Variants in ERN1 observed in about 807,000 individuals in gnomAD.
ERN1 encodes the protein endoplasmic reticulum to nucleus signaling 1.
ERN1 carries 39 observed loss-of-function variants against 113.1 expected under a neutral mutation model. The ratio of observed to expected loss-of-function variants is 0.34; its 90% confidence interval spans 0.27 to 0.45. The LOEUF (loss-of-function observed/expected upper bound fraction) is 0.45, where lower values mean the gene tolerates loss of function less well. Among genes scored for constraint, ERN1 ranks in the 20% least tolerant of loss-of-function variants. ERN1 has a pLI of 1.00. For synonymous variants in ERN1, 507 were observed against 515.9 expected (o/e 0.98, Z 0.23); for missense variants, 976 against 1,274.8 (o/e 0.77, Z 3.57).
At chr17:64,081,340 C>T (rs1378288815) in intron 2 of ERN1, among the ~76,000 whole-genome samples, 6 of 152,054 alleles carry the variant, frequency 3.9e-5, no homozygotes, top group Non-Finnish European at 8.8e-5. Flanking sequence ...TTCCCTTTGG[C>T]CCCCCCATTG....
chr17:64,055,385 G>A lies in ERN1; in HGVS notation c.1672+290C>T, dbSNP rs553104516. Reference sequence around the variant, plus strand: ...CCACACTTGGCCACCGGCTGGCCCTGGGAACTCTCTTCAGCCCAATGGGCA... The same window carrying A: ...CCACACTTGGCCACCGGCTGGCCCTAGGAACTCTCTTCAGCCCAATGGGCA... On this transcript the variant is annotated intron_variant, in intron 13 of 21. Coordinates refer to ENST00000433197, the MANE Select transcript of ERN1 (RefSeq NM_001433.5). Among the ~76,000 whole-genome samples the A allele has an allele frequency of 5.3e-5, 8 of 152,338 alleles. No homozygotes were observed. In the South Asian group the frequency reaches 8.3e-4, roughly 16 times the overall value.
intron 2 of ERN1, among the ~76,000 whole-genome samples, chr17:64,094,799 C>T (rs1003533125): frequency 6.6e-6 from 1 of 152,094 alleles, no homozygotes; most frequent in African/African-American, 2.4e-5. Flanking sequence ...CATGTCCCCA[C>T]TTCATTTTTT....
chr17:64,096,860 A>G (rs1451566559), intron 2 of ERN1, among the ~76,000 whole-genome samples: 1 of 152,256 alleles, frequency 6.6e-6, no homozygotes, highest in Non-Finnish European at 1.5e-5. Context: ...GCAAAGCAGA[A>G]TGAAGTGGCT....
At chr17:64,061,106 G>C (rs1479048371) in intron 10 of ERN1, among the ~76,000 whole-genome samples, 1 of 152,200 alleles carries the variant, frequency 6.6e-6, no homozygotes, top group East Asian at 1.9e-4. Context: ...GGACACACCT[G>C]CTAGATGGAT....
chr17:64,069,596 G>A (rs980481055), intron 6 of ERN1, among the ~76,000 whole-genome samples: 2 of 152,186 alleles, frequency 1.3e-5, no homozygotes, highest in African/African-American at 4.8e-5. Flanking sequence ...GAAAACATGT[G>A]CCTGGCTGGA....
chr17:64,055,772 G>A lies in ERN1; in HGVS notation c.1575C>T (p.Ser525=), dbSNP rs1243491391. 2.5e-6 allele frequency: 4 copies of A among 1,606,300 alleles called. No homozygotes were observed. Among genetic ancestry groups the A allele is most frequent in the Non-Finnish European group, 3.4e-6 (4 of 1,176,950 alleles). The change falls in exon 13 of 22, where the codon AGC becomes AGT. Residue 525 remains serine, a synonymous_variant. Coordinates refer to ENST00000433197, the MANE Select transcript of ERN1 (RefSeq NM_001433.5). ...TGGAGGCCCTGGGGGACGTGCTGGGGCTGCTGGTGCCCGAGCTCTCTGAGT... is the reference window on the plus strand; with the variant it reads ...TGGAGGCCCTGGGGGACGTGCTGGGACTGCTGGTGCCCGAGCTCTCTGAGT... ...GPYSESSGTS[S]PSTSPRASNH... is the part of the protein sequence containing the mutation.
chr17:64,095,925 C>T (rs1261470287), intron 2 of ERN1, among the ~76,000 whole-genome samples: 1 of 152,196 alleles, frequency 6.6e-6, no homozygotes, highest in Non-Finnish European at 1.5e-5. Context: ...AGCCTCCTGC[C>T]CTCCAAATGG....
intron 1 of ERN1, among the ~76,000 whole-genome samples, chr17:64,128,257 C>A (rs917995796): frequency 6.6e-6 from 1 of 151,394 alleles, no homozygotes; most frequent in African/African-American, 2.4e-5. Context: ...GTGATCCACC[C>A]ACCTCAGCCT....
intron 2 of ERN1, among the ~76,000 whole-genome samples, chr17:64,090,413 A>G (rs1002954901): frequency 6.6e-6 from 1 of 152,216 alleles, no homozygotes; most frequent in African/African-American, 2.4e-5. Context: ...AGGCCAAAAA[A>G]CACACTGAAC....
Position 64,075,083 on chromosome 17 carries a change from G to A in ERN1, c.355+92C>T, listed in dbSNP as rs992270913. 20 of 1,053,050 alleles carry A rather than the reference G, an allele frequency of 1.9e-5. No homozygotes were observed. In the Middle Eastern group the frequency reaches 1.0e-3, roughly 53 times the overall value. The allele number at this position is 1,053,050 out of a possible 1,614,324, so 65.2% of individuals were successfully genotyped here. On this transcript the variant is annotated intron_variant, in intron 5 of 21. Transcript: ENST00000433197. ...CCAGGAAAGAAAGGGTTGGCAAGGC[G>A]GTGACTGCGCCCTCTCTCTCCGCAT...
chr17:64,055,775 G>T lies in ERN1; in HGVS notation c.1572C>A (p.Ser524Arg). The change falls in exon 13 of 22, where the codon AGC (serine) becomes AGA (arginine). Residue 524 changes from serine to arginine, a missense_variant. Ser to Arg is a moderately radical substitution (Grantham distance 110). Coordinates refer to ENST00000433197, the MANE Select transcript of ERN1 (RefSeq NM_001433.5). ...SGPYSESSGT[S>R]SPSTSPRASN... Reference sequence around the variant, plus strand: ...AGGCCCTGGGGGACGTGCTGGGGCTGCTGGTGCCCGAGCTCTCTGAGTACG... The same window carrying T: ...AGGCCCTGGGGGACGTGCTGGGGCTTCTGGTGCCCGAGCTCTCTGAGTACG... The T allele has an allele frequency of 6.2e-7, 1 of 1,604,520 alleles. No homozygotes were observed. The highest frequency in any genetic ancestry group is 8.5e-7 in the Non-Finnish European group (1 of 1,176,116).
At position 64,066,789 on chromosome 17, in the gene ERN1, G is replaced by A. The variant is rs773561085; in HGVS notation, c.724C>T (p.His242Tyr). The change falls in exon 8 of 22, where the codon CAC becomes TAC. Residue 242 changes from histidine (H) to tyrosine (Y), a missense_variant. Transcript: ENST00000433197. ...WQREGLRKVM[H>Y]INVAVETLRY... ...AGGGTCTCCACAGCGACATTGATGT[G>A]CATCACCTTCCTCAGACCCTCCCGC... 8.1e-6 allele frequency: 13 copies of A among 1,613,812 alleles called. No individual in the cohort carries two copies. Among genetic ancestry groups the A allele is most frequent in the Non-Finnish European group, 9.3e-6 (11 of 1,179,884 alleles).
chr17:64,090,090 A>G (rs1451032409), intron 2 of ERN1, among the ~76,000 whole-genome samples: 2 of 152,226 alleles, frequency 1.3e-5, no homozygotes, highest in African/African-American at 4.8e-5. Context: ...CCTAAGCCAT[A>G]AACTCCCATT....
rs980178462 is a variant in ERN1, at chr17:64,055,613, G to A, written c.1672+62C>T. 3.5e-5 allele frequency: 50 copies of A among 1,439,900 alleles called. No homozygotes were observed. The African/African-American group carries it at 6.0e-4, about 17-fold the overall frequency. 89.2% of individuals were successfully genotyped at this position (1,439,900 alleles called of 1,614,324 possible). A position where few individuals can be genotyped will look rare whatever the true frequency, so the allele number is the denominator to read the frequency against. On this transcript the variant is annotated intron_variant, in intron 13 of 21. Transcript: ENST00000433197. The stretch of plus-strand genomic sequence containing the variant: ...GTTTACAATCTTATGGAGACTCCTT[G>A]GACTTCTCAGGAGGTGCTCGAATAA...
At chr17:64,085,435 T>C (rs746443503) in intron 2 of ERN1, among the ~76,000 whole-genome samples, 1 of 152,118 alleles carries the variant, frequency 6.6e-6, no homozygotes, top group Non-Finnish European at 1.5e-5. Flanking sequence ...CAGGAATTAA[T>C]AGGGTGAGGA....
intron 5 of ERN1, among the ~76,000 whole-genome samples, chr17:64,073,826 T>C (rs948198568): frequency 2.0e-5 from 3 of 152,070 alleles, no homozygotes; most frequent in Non-Finnish European, 4.4e-5. Context: ...GTTTCTTCTG[T>C]AGAGACGGGG....
At chr17:64,095,306 G>A (rs946776652) in intron 2 of ERN1, among the ~76,000 whole-genome samples, 3 of 152,128 alleles carry the variant, frequency 2.0e-5, no homozygotes, top group Non-Finnish European at 4.4e-5. Context: ...GCGCATGCCT[G>A]TAATCCAAGC....
rs1037455737 is a variant in ERN1, at chr17:64,042,665, ATTATG to A, written c.*1318_*1322del. The A allele has an allele frequency of 7.2e-5, 11 of 152,182 alleles. No homozygotes were observed. Among genetic ancestry groups the A allele is most frequent in the Admixed American group, 5.9e-4 (9 of 15,300 alleles). The allele number at this position is 152,182 out of a possible 1,614,324, so 9.4% of individuals were successfully genotyped here. ...GTTTTGACTGAAACTAAAGCTAAAAATTATGTTAAGTTTAGAAAAAAAAATATGGT... is the reference window on the plus strand; with the variant it reads ...GTTTTGACTGAAACTAAAGCTAAAAATTAAGTTTAGAAAAAAAAATATGGT... On this transcript the variant is annotated 3_prime_UTR_variant, in exon 22 of 22. Coordinates refer to ENST00000433197, the MANE Select transcript of ERN1 (RefSeq NM_001433.5).
At chr17:64,093,788 C>A (rs1914153504) in intron 2 of ERN1, among the ~76,000 whole-genome samples, 1 of 152,196 alleles carries the variant, frequency 6.6e-6, no homozygotes, top group Non-Finnish European at 1.5e-5. Context: ...CAGTCCAGAA[C>A]AACAGGGCAT....
Sources: allele counts gnomAD v4.1 joint callset (sites outside exome capture counted in the v4.1 genomes callset), GRCh38; gene constraint gnomAD v4.1.1; transcripts MANE v1.5; gene names NCBI Gene and HGNC (gene_info 2026-07-23, HGNC 2026-07-21).